FAM53B: variants seen among roughly 807,000 people sequenced by gnomAD.
The protein encoded by FAM53B is family with sequence similarity 53 member B, also known as protein FAM53B.
Under a neutral mutation model 32.7 loss-of-function variants are expected in FAM53B, and 12 were observed. The ratio of observed to expected loss-of-function variants is 0.37; its 90% CI spans 0.24 to 0.59. The LOEUF is 0.59. Ranked by LOEUF, FAM53B falls within the 20% of genes least tolerant of loss-of-function variation. The probability of loss-of-function intolerance (pLI) is 0.72; values close to 1 mark genes in which losing one functional copy is unlikely to be tolerated. For synonymous variants in FAM53B, 234 were observed against 228.7 expected (o/e 1.02, Z -0.21); for missense variants, 477 against 577.7 (o/e 0.83, Z 1.79).
At chr10:124,687,503 A>G (rs1949809857) in intron 3 of FAM53B, among the ~76,000 whole-genome samples, 1 of 152,228 alleles carries the variant, frequency 6.6e-6, no homozygotes, top group African/African-American at 2.4e-5. Flanking sequence ...AGGCTCTCAA[A>G]AACAGCAGTC....
At chr10:124,724,022 G>A (rs1950086865) in intron 1 of FAM53B, among the ~76,000 whole-genome samples, 1 of 152,204 alleles carries the variant, frequency 6.6e-6, no homozygotes, top group Non-Finnish European at 1.5e-5. Flanking sequence ...ACTGAGGGAA[G>A]AAGGCAGGTG....
At chr10:124,634,349 T>G (rs945027685) in intron 4 of FAM53B, among the ~76,000 whole-genome samples, 2 of 152,240 alleles carry the variant, frequency 1.3e-5, no homozygotes, top group Non-Finnish European at 1.5e-5. Flanking sequence ...ATGTCCAGAA[T>G]AGGGAAACCC....
At chr10:124,729,320 T>C (rs1346683722) in intron 1 of FAM53B, among the ~76,000 whole-genome samples, 1 of 152,018 alleles carries the variant, frequency 6.6e-6, no homozygotes, top group African/African-American at 2.4e-5. Flanking sequence ...GTGTCAAAGG[T>C]GGCAGTGGGA....
intron 1 of FAM53B, among the ~76,000 whole-genome samples, chr10:124,736,589 G>A (rs1414451955): frequency 6.6e-6 from 1 of 152,290 alleles, no homozygotes; most frequent in Non-Finnish European, 1.5e-5. Context: ...CAGAGCAAGG[G>A]GAATTCCAGG....
At chr10:124,727,524 G>A (rs1357879548) in intron 1 of FAM53B, among the ~76,000 whole-genome samples, 2 of 152,052 alleles carry the variant, frequency 1.3e-5, no homozygotes, top group South Asian at 2.1e-4. Flanking sequence ...GGTGGAACAC[G>A]AGGTAGCAGG....
chr10:124,681,280 A>T (rs1272829497), intron 4 of FAM53B, among the ~76,000 whole-genome samples: 1 of 152,002 alleles, frequency 6.6e-6, no homozygotes, highest in Non-Finnish European at 1.5e-5. Flanking sequence ...CCTGGGAGAG[A>T]CGGCTCCAGT....
At chr10:124,631,859 G>A (rs1235772172) in intron 4 of FAM53B, among the ~76,000 whole-genome samples, 4 of 152,162 alleles carry the variant, frequency 2.6e-5, no homozygotes, top group South Asian at 2.1e-4. Context: ...CAGCCACTCC[G>A]GAAGCAGGCC....
At chr10:124,694,944 G>A (rs1949859596) in intron 3 of FAM53B, among the ~76,000 whole-genome samples, 1 of 152,144 alleles carries the variant, frequency 6.6e-6, no homozygotes, top group African/African-American at 2.4e-5. Flanking sequence ...GCTTACTGAG[G>A]GACCTTGCAG....
At chr10:124,681,491 A>G (rs1383835668) in intron 4 of FAM53B, 116 bp downstream of exon 4, 23 of 901,600 alleles carry the variant, frequency 2.6e-5, no homozygotes, top group Non-Finnish European at 3.5e-5. Flanking sequence ...AAACAAGGAA[A>G]TTAACCCACT....
intron 3 of FAM53B, among the ~76,000 whole-genome samples, chr10:124,692,410 T>C (rs554806751): frequency 1.9e-4 from 29 of 152,004 alleles, no homozygotes; most frequent in Admixed American, 3.9e-4. Flanking sequence ...TTAAAATAAA[T>C]AAATAAATAA....
At chr10:124,646,512 TTC>T (rs1453919286) in intron 4 of FAM53B, among the ~76,000 whole-genome samples, 1 of 152,214 alleles carries the variant, frequency 6.6e-6, no homozygotes, top group Non-Finnish European at 1.5e-5. Context: ...TGCCGGCGCC[TTC>T]TGTTTCCTCC....
intron 4 of FAM53B, among the ~76,000 whole-genome samples, chr10:124,672,580 G>C (rs1949712911): frequency 6.6e-6 from 1 of 152,246 alleles, no homozygotes; most frequent in Admixed American, 6.5e-5. Context: ...GCACAGCTGA[G>C]ACAAGATCCA....
intron 4 of FAM53B, among the ~76,000 whole-genome samples, chr10:124,662,213 C>T (rs75368456): frequency 2.2e-4 from 33 of 152,312 alleles, no homozygotes; most frequent in Non-Finnish European, 4.1e-4. Flanking sequence ...CAGCCTCTTC[C>T]GTAAAACAAG....
At chr10:124,634,433 G>A (rs949835679) in intron 4 of FAM53B, among the ~76,000 whole-genome samples, 3 of 152,202 alleles carry the variant, frequency 2.0e-5, no homozygotes, top group Non-Finnish European at 2.9e-5. Context: ...CACGTTTCGT[G>A]GGAGGGACGC....
chr10:124,623,039 A>T lies in FAM53B; in HGVS notation c.*203T>A. On this transcript the variant is annotated 3_prime_UTR_variant, in exon 5 of 5. Coordinates refer to ENST00000337318, the MANE Select transcript of FAM53B (RefSeq NM_014661.4). ...GGCTGCCACGCTCGGGGAGCCGGTGAGAGGCTGACACACCCGCTGTATGAC... is the reference window on the plus strand; with the variant it reads ...GGCTGCCACGCTCGGGGAGCCGGTGTGAGGCTGACACACCCGCTGTATGAC... The T allele has an allele frequency of 1.6e-6, 1 of 610,476 alleles. No homozygotes were observed. Among genetic ancestry groups the T allele is most frequent in the Non-Finnish European group, 2.7e-6 (1 of 364,386 alleles). 37.8% of individuals were successfully genotyped at this position (610,476 alleles called of 1,614,324 possible). A position where few individuals can be genotyped will look rare whatever the true frequency, so the allele number is the denominator to read the frequency against.
At chr10:124,633,413 T>A (rs1949404847) in intron 4 of FAM53B, among the ~76,000 whole-genome samples, 1 of 152,032 alleles carries the variant, frequency 6.6e-6, no homozygotes, top group East Asian at 1.9e-4. Context: ...GTACTCCCAA[T>A]CCCCATGGTC....
intron 4 of FAM53B, among the ~76,000 whole-genome samples, chr10:124,631,944 CAGTG>C (rs1949393836): frequency 6.6e-6 from 1 of 152,200 alleles, no homozygotes; most frequent in South Asian, 2.1e-4. Flanking sequence ...GCCTGGTTCA[CAGTG>C]GGTGCATCGT....
At chr10:124,743,216 T>G (rs1589771169) in intron 1 of FAM53B, among the ~76,000 whole-genome samples, 1 of 152,306 alleles carries the variant, frequency 6.6e-6, no homozygotes, top group South Asian at 2.1e-4. Flanking sequence ...CCCCGGATTC[T>G]GGGTGTCCTC....
chr10:124,671,057 T>G (rs1023267556), intron 4 of FAM53B: 2 of 427,264 alleles, frequency 4.7e-6, no homozygotes, highest in Admixed American at 4.8e-5. Flanking sequence ...AGCGCTTAAC[T>G]GAAGGATGCT....
Sources: allele counts gnomAD v4.1 joint callset (sites outside exome capture counted in the v4.1 genomes callset), GRCh38; gene constraint gnomAD v4.1.1; transcripts MANE v1.5; gene names NCBI Gene and HGNC (gene_info 2026-07-23, HGNC 2026-07-21).